The following LIMD1 variants were observed in gnomAD, a reference collection of about 807,000 sequenced individuals.
LIMD1 encodes LIM domain containing 1.
Under a neutral mutation model 58.4 loss-of-function variants are expected in LIMD1, and 23 were observed. That is an observed-to-expected ratio of 0.39 (90% CI 0.28 to 0.56). The LOEUF is 0.56. Ranked by LOEUF, LIMD1 falls within the 20% of genes least tolerant of loss-of-function variation. The pLI, the probability that LIMD1 is intolerant of heterozygous loss-of-function variation, is 0.57. For missense variants in LIMD1, 838 were observed against 855.5 expected, an observed-to-expected ratio of 0.98 and a Z score of 0.25; for synonymous variants, 334 against 345.5, an observed-to-expected ratio of 0.97 and a Z score of 0.37.
chr3:45,672,441 C>T (rs971482022), intron 4 of LIMD1, among the ~76,000 whole-genome samples: 2 of 152,164 alleles, frequency 1.3e-5, no homozygotes, highest in Non-Finnish European at 2.9e-5. Flanking sequence ...GCCCTCTTTC[C>T]CTGCCAGCTC....
intron 1 of LIMD1, among the ~76,000 whole-genome samples, chr3:45,602,995 C>T (rs1701431219): frequency 6.6e-6 from 1 of 152,108 alleles, no homozygotes; most frequent in African/African-American, 2.4e-5. Flanking sequence ...CGCGCACCAC[C>T]ATGCCCGGCT....
At position 45,624,126 on chromosome 3, in the gene LIMD1, G is replaced by A. The variant is rs542805921; in HGVS notation, c.1409-12024G>A. The stretch of plus-strand genomic sequence containing the variant: ...TTGGCCAAGAAAGAGCCTTGCTCAA[G>A]CTGTGTTTGGGATAACTCATAAAAT... On this transcript the variant is annotated intron_variant, in intron 1 of 7. Transcript: ENST00000273317. Among the ~76,000 whole-genome samples the A allele has an allele frequency of 2.1e-4, 32 of 152,320 alleles. No homozygotes were observed. In the South Asian group the frequency reaches 6.6e-3, roughly 32 times the overall value.
intron 1 of LIMD1, among the ~76,000 whole-genome samples, chr3:45,606,837 CA>C (rs1388169723): frequency 6.6e-6 from 1 of 152,210 alleles, no homozygotes; most frequent in African/African-American, 2.4e-5. Context: ...CTCTGTTGCC[CA>C]GGCTGGAGTG....
At chr3:45,611,956 C>T (rs113292988) in intron 1 of LIMD1, among the ~76,000 whole-genome samples, 1 of 151,992 alleles carries the variant, frequency 6.6e-6, no homozygotes, top group Non-Finnish European at 1.5e-5. Flanking sequence ...AGCCAGAGAG[C>T]AGAGGAAGTG....
chr3:45,636,909 A>T (rs1472862235), intron 2 of LIMD1, among the ~76,000 whole-genome samples: 1 of 152,236 alleles, frequency 6.6e-6, no homozygotes, highest in East Asian at 1.9e-4. Flanking sequence ...ATGCTTGCCA[A>T]GTCTGACCAA....
chr3:45,626,477 G>A (rs1423210847), intron 1 of LIMD1, among the ~76,000 whole-genome samples: 1 of 152,150 alleles, frequency 6.6e-6, no homozygotes, highest in African/African-American at 2.4e-5. Flanking sequence ...GAGAGAAGCC[G>A]ATCTAAAAGG....
chr3:45,658,535 CTTTTT>C (rs10572210), intron 2 of LIMD1, among the ~76,000 whole-genome samples: 505 of 44,768 alleles, frequency 0.011, 20 homozygotes, highest in African/African-American at 0.029. Context: ...CATGCAGATT[CTTTTT>C]TTTTTTTTTT....
chr3:45,636,033 T>G, intron 1 of LIMD1, 117 bp from the exon 2 acceptor site: 2 of 1,549,128 alleles, frequency 1.3e-6, no homozygotes, highest in Non-Finnish European at 1.7e-6. Context: ...ATCCACTGGA[T>G]TTGGTGGTGG....
chr3:45,630,691 G>C (rs1701718915), intron 1 of LIMD1, among the ~76,000 whole-genome samples: 1 of 152,008 alleles, frequency 6.6e-6, no homozygotes, highest in South Asian at 2.1e-4. Context: ...TATGGGGTGA[G>C]GAAGGAGCTC....
At chr3:45,644,555 G>A (rs1020763512) in intron 2 of LIMD1, among the ~76,000 whole-genome samples, 1 of 152,164 alleles carries the variant, frequency 6.6e-6, no homozygotes, top group African/African-American at 2.4e-5. Context: ...ACAATTCAGG[G>A]AGTTCAACGT....
intron 1 of LIMD1, among the ~76,000 whole-genome samples, chr3:45,603,035 T>C (rs909780450): frequency 2.6e-5 from 4 of 152,148 alleles, no homozygotes; most frequent in African/African-American, 9.7e-5. Context: ...GAGACAGGGT[T>C]TCGCCATGTT....
At chr3:45,645,638 T>G (rs747569492) in intron 2 of LIMD1, among the ~76,000 whole-genome samples, 8 of 152,202 alleles carry the variant, frequency 5.3e-5, no homozygotes, top group Non-Finnish European at 1.2e-4. Context: ...TGCACCGCAG[T>G]GCCTCATCTC....
At chr3:45,597,639 A>T (rs1447619423) in intron 1 of LIMD1, among the ~76,000 whole-genome samples, 1 of 152,136 alleles carries the variant, frequency 6.6e-6, no homozygotes, top group Non-Finnish European at 1.5e-5. Flanking sequence ...TCAGTTTTTA[A>T]CTTTGGATAA....
intron 2 of LIMD1, among the ~76,000 whole-genome samples, chr3:45,643,374 A>AT (rs1049130041): frequency 6.6e-6 from 1 of 151,750 alleles, no homozygotes; most frequent in Admixed American, 6.6e-5. Context: ...AATACTAGCT[A>AT]TTTGGGGGGC....
chr3:45,613,580 G>GT (rs35966139), intron 1 of LIMD1, among the ~76,000 whole-genome samples: 41,713 of 130,546 alleles, frequency 0.32, 7,188 homozygotes, highest in Middle Eastern at 0.5. Context: ...CCCTGTTGAG[G>GT]TTTTTTTTTT....
At chr3:45,618,795 T>G (rs72880793) in intron 1 of LIMD1, among the ~76,000 whole-genome samples, 2,875 of 152,130 alleles carry the variant, frequency 0.019, 86 homozygotes, top group African/African-American at 0.065. Flanking sequence ...AAACCCACTG[T>G]TTACAGTTCC....
intron 1 of LIMD1, among the ~76,000 whole-genome samples, chr3:45,627,055 C>T (rs1376628070): frequency 1.3e-5 from 2 of 152,026 alleles, no homozygotes; most frequent in Non-Finnish European, 2.9e-5. Flanking sequence ...CTTTGGTGTC[C>T]CCGAAGGAGA....
chr3:45,596,753 T>C (rs570174868), intron 1 of LIMD1, among the ~76,000 whole-genome samples: 74 of 152,056 alleles, frequency 4.9e-4, no homozygotes, highest in African/African-American at 1.7e-3. Flanking sequence ...AGGCAGGGGC[T>C]CTTGACTGCC....
intron 1 of LIMD1, among the ~76,000 whole-genome samples, chr3:45,629,091 T>C (rs1299247688): frequency 6.6e-6 from 1 of 152,080 alleles, no homozygotes; most frequent in African/African-American, 2.4e-5. Context: ...ATTGTCTTGA[T>C]TGTGGTGATT....
Sources: gnomAD v4.1 joint callset for allele counts (sites outside exome capture counted in the v4.1 genomes callset) on GRCh38, gnomAD v4.1.1 for gene constraint, MANE v1.5 for transcripts, NCBI Gene and HGNC (gene_info 2026-07-23, HGNC 2026-07-21) for gene names.